The following ELF2 variants were observed in gnomAD, a reference collection of about 807,000 sequenced individuals.
ELF2 encodes ETS-related transcription factor Elf-2.
A neutral mutation model predicts 54.8 loss-of-function variants in ELF2; 11 were observed. The observed-to-expected ratio is 0.20, with a 90% CI of 0.13 to 0.33. ELF2 has a LOEUF of 0.33. Ranked by LOEUF, ELF2 falls within the 10% of genes least tolerant of loss-of-function variation. The probability of loss-of-function intolerance (pLI) is 1.00; values close to 1 mark genes in which losing one functional copy is unlikely to be tolerated. For missense variants in ELF2, 513 were observed against 703.0 expected (o/e 0.73, Z 3.06); for synonymous variants, 203 against 245.1 (o/e 0.83, Z 1.61).
intron 6 of ELF2, among the ~76,000 whole-genome samples, chr4:139,068,966 C>G (rs1729131467): frequency 6.6e-6 from 1 of 151,992 alleles, no homozygotes; most frequent in African/African-American, 2.4e-5. Flanking sequence ...ACAGCCTGGG[C>G]TCAAGCAATC....
At chr4:139,074,673 T>G (rs1730028158) in intron 4 of ELF2, among the ~76,000 whole-genome samples, 1 of 150,912 alleles carries the variant, frequency 6.6e-6, no homozygotes, top group African/African-American at 2.4e-5. Flanking sequence ...GGCAGGAGAA[T>G]CGCTTGAACC....
At chr4:139,163,420 G>C (rs1741369744) in intron 1 of ELF2, among the ~76,000 whole-genome samples, 1 of 152,106 alleles carries the variant, frequency 6.6e-6, no homozygotes, top group Non-Finnish European at 1.5e-5. Context: ...AAGTTATAAG[G>C]ATGTAATTTT....
At chr4:139,083,553 ATTT>A (rs761341135) in intron 4 of ELF2, among the ~76,000 whole-genome samples, 6 of 150,742 alleles carry the variant, frequency 4.0e-5, no homozygotes, top group Non-Finnish European at 7.4e-5. Flanking sequence ...GGGTCAGAGC[ATTT>A]TTTTTTGGCG....
At chr4:139,161,692 C>T (rs1196744615) in intron 1 of ELF2, among the ~76,000 whole-genome samples, 2 of 149,106 alleles carry the variant, frequency 1.3e-5, no homozygotes, top group Non-Finnish European at 3.0e-5. Context: ...CTGAGTAGGC[C>T]GGGCGCGGTG....
At chr4:139,068,313 C>T (rs1729018901) in intron 6 of ELF2, among the ~76,000 whole-genome samples, 2 of 152,228 alleles carry the variant, frequency 1.3e-5, no homozygotes, top group Admixed American at 6.5e-5. Context: ...GCCACTGTAC[C>T]CGGCCTTGCC....
chr4:139,062,044 A>G lies in ELF2; in HGVS notation c.627T>C (p.Tyr209=). 1 of 1,613,234 alleles carries G rather than the reference A, an allele frequency of 6.2e-7. No individual in the cohort carries two copies. The highest frequency in any genetic ancestry group is 1.1e-5 in the South Asian group (1 of 90,740). ...KPREGKGNTT[Y]LWEFLLDLLQ... Reference sequence around the variant, plus strand: ...GTAGATCTAAAAGAAACTCCCACAAATAGGTTGTGTTTCCTTTAAAAACAA... The same window carrying G: ...GTAGATCTAAAAGAAACTCCCACAAGTAGGTTGTGTTTCCTTTAAAAACAA... Residue 209 remains tyrosine, a synonymous_variant, in exon 8 of 10, where the codon TAT becomes TAC. Coordinates refer to ENST00000686138, the MANE Select transcript of ELF2 (RefSeq NM_001331036.3).
intron 4 of ELF2, among the ~76,000 whole-genome samples, chr4:139,103,370 G>A (rs536546630): frequency 6.6e-6 from 1 of 152,270 alleles, no homozygotes; most frequent in South Asian, 2.1e-4. Flanking sequence ...AGGATTATAG[G>A]GTTGGGACTT....
rs764056856 is a variant in ELF2, at chr4:139,060,368, C to T, written c.1113G>A (p.Arg371=). ...ACACAGATGCAGTGGTAGTAGGAGACCTGGATGAAGCATCGTGCCCAGGGG... is the reference window on the plus strand; with the variant it reads ...ACACAGATGCAGTGGTAGTAGGAGATCTGGATGAAGCATCGTGCCCAGGGG... ...ITSPGHDASS[R]SPTTTASVSA... The change falls in exon 9 of 10, where the codon AGG becomes AGA. Residue 371 remains arginine (R), a synonymous_variant. Coordinates refer to ENST00000686138, the MANE Select transcript of ELF2 (RefSeq NM_001331036.3). The T allele has an allele frequency of 6.2e-7, 1 of 1,613,498 alleles. No individual in the cohort carries two copies. The highest frequency in any genetic ancestry group is 8.5e-7 in the Non-Finnish European group (1 of 1,179,816).
At chr4:139,109,996 C>T (rs774211281) in intron 4 of ELF2, among the ~76,000 whole-genome samples, 16 of 152,036 alleles carry the variant, frequency 1.1e-4, no homozygotes, top group East Asian at 1.9e-4. Context: ...TAAAAAGAAA[C>T]GTTAAAAAAT....
upstream of ELF2, among the ~76,000 whole-genome samples, chr4:139,177,468 G>A (rs907975725): frequency 2.0e-5 from 3 of 150,678 alleles, no homozygotes; most frequent in Non-Finnish European, 4.4e-5. Context: ...GCCCCCACCA[G>A]CCCGCCGAAC....
intron 3 of ELF2, among the ~76,000 whole-genome samples, chr4:139,129,223 C>T (rs967528504): frequency 1.9e-4 from 29 of 152,186 alleles, no homozygotes; most frequent in Admixed American, 3.3e-4. Context: ...CAGGCATGAG[C>T]GACTACCCCC....
intron 1 of ELF2, among the ~76,000 whole-genome samples, chr4:139,151,407 G>C (rs1739983110): frequency 6.6e-6 from 1 of 152,128 alleles, no homozygotes; most frequent in African/African-American, 2.4e-5. Flanking sequence ...CAAGAGACTG[G>C]CAAAAGTTAT....
intron 1 of ELF2, among the ~76,000 whole-genome samples, chr4:139,167,568 T>G (rs978088261): frequency 1.3e-5 from 2 of 152,192 alleles, no homozygotes; most frequent in African/African-American, 4.8e-5. Flanking sequence ...CTGTATCTAT[T>G]ATTAGACTGT....
At chr4:139,080,059 T>C (rs548902267) in intron 4 of ELF2, among the ~76,000 whole-genome samples, 24 of 152,354 alleles carry the variant, frequency 1.6e-4, no homozygotes, top group African/African-American at 5.8e-4. Flanking sequence ...CAAGGAATCA[T>C]TTTAAACAAT....
intron 7 of ELF2, among the ~76,000 whole-genome samples, chr4:139,064,084 G>C (rs1728298906): frequency 6.6e-6 from 1 of 152,182 alleles, no homozygotes; most frequent in Non-Finnish European, 1.5e-5. Context: ...CAAGGTGGGT[G>C]GATCACCTGA....
intron 1 of ELF2, among the ~76,000 whole-genome samples, chr4:139,164,078 AAG>A (rs1233521538): frequency 2.7e-5 from 4 of 147,344 alleles, no homozygotes; most frequent in African/African-American, 1.0e-4. Flanking sequence ...GTGAGAGAGA[AAG>A]AGGGAGGGAG....
intron 4 of ELF2, among the ~76,000 whole-genome samples, chr4:139,104,626 T>A (rs1035667460): frequency 6.6e-6 from 1 of 152,162 alleles, no homozygotes; most frequent in Admixed American, 6.5e-5. Flanking sequence ...AACCAATTAC[T>A]GCAAACAGGC....
At chr4:139,157,470 C>T (rs1031651116) in intron 1 of ELF2, among the ~76,000 whole-genome samples, 1 of 152,060 alleles carries the variant, frequency 6.6e-6, no homozygotes, top group Non-Finnish European at 1.5e-5. Flanking sequence ...CATCACATTA[C>T]AGCTCACTGC....
chr4:139,113,853 TCA>T (rs1491335282), intron 4 of ELF2, among the ~76,000 whole-genome samples: 2 of 19,106 alleles, frequency 1.0e-4, no homozygotes, highest in East Asian at 3.7e-3. Context: ...AGACCATGTC[TCA>T]AAAAAAAAAA....
Sources: allele counts gnomAD v4.1 joint callset (sites outside exome capture counted in the v4.1 genomes callset), GRCh38; gene constraint gnomAD v4.1.1; transcripts MANE v1.5; gene names NCBI Gene and HGNC (gene_info 2026-07-23, HGNC 2026-07-21).